Variants in ERN2 observed in about 807,000 individuals in gnomAD.
The protein encoded by ERN2 is serine/threonine-protein kinase/endoribonuclease IRE2.
A neutral mutation model predicts 107.9 loss-of-function variants in ERN2; 111 were observed. That is an observed-to-expected ratio of 1.03 (90% CI 0.88 to 1.20). The LOEUF is 1.20. Among genes scored for constraint, ERN2 ranks in the 50% most tolerant of loss-of-function variants. The pLI is 0.00. For missense variants in ERN2, 1,225 were observed against 1,197.9 expected, an observed-to-expected ratio of 1.02 and a Z score of -0.33; for synonymous variants, 524 against 501.7, an observed-to-expected ratio of 1.04 and a Z score of -0.59.
rs1478821980 is a variant in ERN2, at chr16:23,700,628, G to C, written c.1436C>G (p.Ala479Gly). The C allele has an allele frequency of 6.2e-7, 1 of 1,614,140 alleles. No individual in the cohort carries two copies. The part of the protein sequence containing the change: ...PADFAHISQD[A>G]QSLHSGASRR... ...GCTGGCCCCCGAGTGCAGGGACTGG[G>C]CATCCTGGGAGATGTGAGCAAAGTC... Residue 479 changes from alanine (A) to glycine (G), a missense_variant, in exon 13 of 22, where the codon GCC becomes GGC. Coordinates refer to ENST00000256797, the MANE Select transcript of ERN2 (RefSeq NM_033266.4).
intron 11 of ERN2, 85 bp downstream of exon 11, chr16:23,702,067 A>T: frequency 7.0e-7 from 1 of 1,423,000 alleles, no homozygotes. Flanking sequence ...TGTTATTCTT[A>T]GCAGCCCGAG....
At position 23,710,921 on chromosome 16, in the gene ERN2, A is replaced by C. The variant is rs774144894; in HGVS notation, c.191T>G (p.Leu64Arg). Reference protein sequence around the residue: ...SKQTGDLKWTLRDDPVIEGPM... With the variant: ...SKQTGDLKWTRRDDPVIEGPM... The stretch of plus-strand genomic sequence containing the variant: ...GACCACCTCTTGCTCACCATCCCTC[A>C]GAGTCCACTTCAGGTCCCCTGTCTG... The change falls in exon 2 of 22, where the codon CTG becomes CGG. Residue 64 changes from leucine to arginine, a missense_variant. Coordinates refer to ENST00000256797, the MANE Select transcript of ERN2 (RefSeq NM_033266.4). 6.8e-6 allele frequency: 11 copies of C among 1,612,838 alleles called. No homozygotes were observed. Among genetic ancestry groups the C allele is most frequent in the Non-Finnish European group, 9.3e-6 (11 of 1,178,790 alleles).
In ERN2 at chr16:23,694,874, C is replaced by A; in HGVS notation, c.1954G>T (p.Gly652Cys). 1.9e-6 allele frequency: 3 copies of A among 1,614,210 alleles called. No individual in the cohort carries two copies. The highest frequency in any genetic ancestry group is 2.5e-6 in the Non-Finnish European group (3 of 1,180,038). The change falls in exon 17 of 22, where the codon GGC (glycine) becomes TGC (cysteine). Residue 652 changes from glycine to cysteine, a missense_variant. Transcript: ENST00000256797. ...TCTGAGAGCACCACTCTGCCCAGGC[C>A]CTGGCTGTCAGGCCCGGTGATGAGA... ...NILITGPDSQ[G>C]LGRVVLSDFG...
chr16:23,710,942 G>C lies in ERN2; in HGVS notation c.170C>G (p.Thr57Arg), dbSNP rs753766633. 3.9e-5 allele frequency: 63 copies of C among 1,613,874 alleles called. No individual in the cohort carries two copies. In the East Asian group the frequency reaches 1.4e-3, roughly 35 times the overall value. The change falls in exon 2 of 22, where the codon ACA becomes AGA. Residue 57 changes from threonine to arginine, a missense_variant. Transcript: ENST00000256797. Reference sequence around the variant, plus strand: ...CCTCAGAGTCCACTTCAGGTCCCCTGTCTGCTTGCTTAGTGCGTGGAGACT... The same window carrying C: ...CCTCAGAGTCCACTTCAGGTCCCCTCTCTGCTTGCTTAGTGCGTGGAGACT... ...DGSLHALSKQ[T>R]GDLKWTLRDD... is the part of the protein sequence containing the mutation.
intron 12 of ERN2, 33 bp from the exon 13 acceptor site, chr16:23,700,737 T>C (rs773746350): frequency 6.3e-7 from 1 of 1,591,598 alleles, no homozygotes; most frequent in Non-Finnish European, 8.6e-7. Flanking sequence ...AGCTTTGTCC[T>C]GGCCACGCCC....
chr16:23,700,140 G>T (rs1959983469), intron 13 of ERN2, among the ~76,000 whole-genome samples: 1 of 152,092 alleles, frequency 6.6e-6, no homozygotes, highest in Non-Finnish European at 1.5e-5. Flanking sequence ...ACCAGCCTGG[G>T]TAACATAGCG....
chr16:23,706,307 G>C, intron 7 of ERN2, 23 bp downstream of exon 7: 2 of 1,453,560 alleles, frequency 1.4e-6, no homozygotes, highest in Non-Finnish European at 1.8e-6. Flanking sequence ...TCCAAGATGG[G>C]ACCAGAGAAA....
In ERN2 at chr16:23,695,278, C is replaced by T; in HGVS notation, c.1722G>A (p.Val574=). ...LLQESDRHPN[V]LRYFCTERGP... ...CCCGCTCGGTGCAGAAGTAGCGGAGCACGTTGGGGTGCCTGTCAGACTCCT... is the reference window on the plus strand; with the variant it reads ...CCCGCTCGGTGCAGAAGTAGCGGAGTACGTTGGGGTGCCTGTCAGACTCCT... The change falls in exon 15 of 22, where the codon GTG becomes GTA. Residue 574 remains valine, a synonymous_variant. Coordinates refer to ENST00000256797, the MANE Select transcript of ERN2 (RefSeq NM_033266.4). 1 of 1,614,088 alleles carries T rather than the reference C, an allele frequency of 6.2e-7. No individual in the cohort carries two copies. The highest frequency in any genetic ancestry group is 8.5e-7 in the Non-Finnish European group (1 of 1,180,020).
chr16:23,693,257 G>A (rs1451137947), intron 17 of ERN2, among the ~76,000 whole-genome samples: 1 of 151,786 alleles, frequency 6.6e-6, no homozygotes, highest in Non-Finnish European at 1.5e-5. Context: ...TGGTATGACT[G>A]CACTCCATGA....
At chr16:23,703,174 A>G (rs1489323339) in intron 8 of ERN2, among the ~76,000 whole-genome samples, 4 of 152,178 alleles carry the variant, frequency 2.6e-5, no homozygotes, top group Non-Finnish European at 4.4e-5. Context: ...AGCTAAAGCT[A>G]GCTGATACAT....
At position 23,705,226 on chromosome 16, in the gene ERN2, G is replaced by A; in HGVS notation, c.590-79C>T. On this transcript the variant is annotated intron_variant, in intron 7 of 21. Transcript: ENST00000256797. ...CAAGGGTGTGCCCTCTGGGTGAGGG[G>A]TCAGTCTGGTGTGTGGAGATCACAT... is the stretch of plus-strand genomic sequence containing the variant. 10 of 1,501,764 alleles carry A rather than the reference G, an allele frequency of 6.7e-6. No individual in the cohort carries two copies. In the South Asian group the frequency reaches 1.1e-4, roughly 17 times the overall value. The allele number at this position is 1,501,764 out of a possible 1,614,324, so 93.0% of individuals were successfully genotyped here. A position where few individuals can be genotyped will look rare whatever the true frequency, so the allele number is the denominator to read the frequency against.
rs770238961 is a variant in ERN2 at position 23,690,945 on chromosome 16, C to A, written c.2667G>T (p.Leu889=). ...TCATGGCTCGGTGCGTGTGGAGGAGCAGCCGTGGGAAGCGGTTTGTGAAGT... is the reference window on the plus strand; with the variant it reads ...TCATGGCTCGGTGCGTGTGGAGGAGAAGCCGTGGGAAGCGGTTTGTGAAGT... ...VQYFTNRFPR[L]LLHTHRAMRS... The change falls in exon 22 of 22, where the codon CTG becomes CTT. Residue 889 remains leucine, a synonymous_variant. Coordinates refer to ENST00000256797, the MANE Select transcript of ERN2 (RefSeq NM_033266.4). 6.2e-7 allele frequency: 1 copy of A among 1,614,090 alleles called. No individual in the cohort carries two copies. The highest frequency in any genetic ancestry group is 1.7e-5 in the Admixed American group (1 of 60,028).
intron 6 of ERN2, 147 bp from the exon 7 acceptor site, chr16:23,706,578 G>A (rs766664701): frequency 9.4e-6 from 7 of 746,428 alleles, no homozygotes; most frequent in Non-Finnish European, 1.6e-5. Context: ...GGCAGAGACT[G>A]GAGCTGTCTT....
Position 23,713,193 on chromosome 16 carries a change from C to T in ERN2, c.-6G>A. 6.3e-7 allele frequency: 1 copy of T among 1,579,332 alleles called. No individual in the cohort carries two copies. Among genetic ancestry groups the T allele is most frequent in the Non-Finnish European group, 8.6e-7 (1 of 1,169,314 alleles). On this transcript the variant is annotated 5_prime_UTR_variant, in exon 1 of 22. Transcript: ENST00000256797. ...CCCCTGACCGCACTCGCCATAGCGCCTGGGCAGCTGCACGGCTGGCCAGGT... is the reference window on the plus strand; with the variant it reads ...CCCCTGACCGCACTCGCCATAGCGCTTGGGCAGCTGCACGGCTGGCCAGGT...
intron 2 of ERN2, 111 bp downstream of exon 2, chr16:23,710,802 A>T: frequency 1.1e-6 from 1 of 902,654 alleles, no homozygotes; most frequent in Admixed American, 2.0e-5. Context: ...CTGCCTGTAG[A>T]TACCAGCTTA....
intron 12 of ERN2, 60 bp downstream of exon 12, chr16:23,700,899 C>G: frequency 6.4e-7 from 1 of 1,567,126 alleles, no homozygotes; most frequent in Middle Eastern, 1.7e-4. Flanking sequence ...GCTGAGTGGT[C>G]TCAGAGAGGA....
chr16:23,700,609 C>A lies in ERN2; in HGVS notation c.1455G>T (p.Gly485=), dbSNP rs754499364. The change falls in exon 13 of 22, where the codon GGG becomes GGT. Residue 485 remains glycine, a synonymous_variant. Coordinates refer to ENST00000256797, the MANE Select transcript of ERN2 (RefSeq NM_033266.4). ...ISQDAQSLHS[G]ASRRSQKRLQ... ...GCCTCTTCTGGCTCCTCCGGCTGGC[C>A]CCCGAGTGCAGGGACTGGGCATCCT... The A allele has an allele frequency of 6.2e-7, 1 of 1,614,004 alleles. No individual in the cohort carries two copies. Among genetic ancestry groups the A allele is most frequent in the African/African-American group, 1.3e-5 (1 of 74,918 alleles).
chr16:23,695,968 G>GAGTT lies in ERN2; in HGVS notation c.1532_1535dup (p.Val514HisfsTer29). 6.2e-7 allele frequency: 1 copy of GAGTT among 1,614,028 alleles called. No individual in the cohort carries two copies. The highest frequency in any genetic ancestry group is 8.5e-7 in the Non-Finnish European group (1 of 1,179,890). Reference sequence around the variant, plus strand: ...TGAAGGAAATCTTCCCCACTACGGTGAGTTGCTCAGCTGGGGGAGAGGAGG... The same window carrying GAGTT: ...TGAAGGAAATCTTCCCCACTACGGTGAGTTAGTTGCTCAGCTGGGGGAGAGGAGG... On this transcript the variant is annotated frameshift_variant, in exon 14 of 22. Transcript: ENST00000256797. LOFTEE classifies it high-confidence loss of function.
At chr16:23,697,818 G>A (rs780626054) in intron 13 of ERN2, among the ~76,000 whole-genome samples, 2 of 152,098 alleles carry the variant, frequency 1.3e-5, no homozygotes, top group African/African-American at 2.4e-5. Flanking sequence ...GTGCACTGGC[G>A]TGATCATAGC....
Sources: allele counts gnomAD v4.1 joint callset (sites outside exome capture counted in the v4.1 genomes callset), GRCh38; gene constraint gnomAD v4.1.1; transcripts MANE v1.5; gene names NCBI Gene and HGNC (gene_info 2026-07-23, HGNC 2026-07-21).